NEXMIF: variants seen among roughly 807,000 people sequenced by gnomAD.
NEXMIF encodes the protein XLMR protein related to neurite extension.
A neutral mutation model predicts 62.1 loss-of-function variants in NEXMIF; 8 were observed. That is an observed-to-expected ratio of 0.13 (90% CI 0.08 to 0.23). NEXMIF has a LOEUF of 0.23. NEXMIF is among the 10% of genes least tolerant of loss of function. The probability of loss-of-function intolerance (pLI) is 1.00; values close to 1 mark genes in which losing one functional copy is unlikely to be tolerated. For missense variants in NEXMIF, 976 were observed against 1,113.3 expected, an observed-to-expected ratio of 0.88 and a Z score of 1.75; for synonymous variants, 404 against 416.6, an observed-to-expected ratio of 0.97 and a Z score of 0.37.
At chrX:74,873,895 C>T (rs1188635723) in intron 1 of NEXMIF, among the ~76,000 whole-genome samples, 4 of 110,858 alleles carry the variant, frequency 3.6e-5, no homozygotes, top group Admixed American at 9.6e-5. Context: ...GATATTAGCC[C>T]TTTGTCAGAT....
At chrX:74,892,354 A>G (rs2080720537) in intron 1 of NEXMIF, among the ~76,000 whole-genome samples, 1 of 112,203 alleles carries the variant, frequency 8.9e-6, no homozygotes, top group Non-Finnish European at 1.9e-5. Flanking sequence ...AACTAACCAA[A>G]GATCTTGCGT....
At chrX:74,810,142 A>G (rs968494513) in intron 1 of NEXMIF, among the ~76,000 whole-genome samples, 6 of 112,335 alleles carry the variant, frequency 5.3e-5, no homozygotes, top group Non-Finnish European at 9.4e-5. Context: ...ACTACTTGAA[A>G]GTTGCAATCC....
chrX:74,808,281 G>A (rs1484508518), intron 1 of NEXMIF, among the ~76,000 whole-genome samples: 1 of 110,696 alleles, frequency 9.0e-6, no homozygotes, highest in Non-Finnish European at 1.9e-5. Flanking sequence ...GCATAAGACT[G>A]TAATCTCAGC....
intron 1 of NEXMIF, among the ~76,000 whole-genome samples, chrX:74,751,530 C>A (rs1272090769): frequency 1.1e-4 from 12 of 106,761 alleles, no homozygotes; most frequent in Non-Finnish European, 1.6e-4. Flanking sequence ...CTTTGTCACC[C>A]AGGCTGGAGT....
intron 1 of NEXMIF, among the ~76,000 whole-genome samples, chrX:74,911,223 C>T (rs6647575): frequency 0.15 from 16,069 of 110,518 alleles, 1,782 homozygotes; most frequent in East Asian, 0.91. Context: ...AGTTTGAGAC[C>T]AGCCTTGACA....
intron 1 of NEXMIF, among the ~76,000 whole-genome samples, chrX:74,879,320 T>C (rs1479467473): frequency 8.9e-6 from 1 of 112,208 alleles, no homozygotes; most frequent in Non-Finnish European, 1.9e-5. Flanking sequence ...AACATTAATC[T>C]ACACATCCAA....
At chrX:74,871,834 T>C (rs1486666559) in intron 1 of NEXMIF, among the ~76,000 whole-genome samples, 2 of 111,746 alleles carry the variant, frequency 1.8e-5, no homozygotes, top group African/African-American at 6.5e-5. Flanking sequence ...ACTGGTTTCA[T>C]ATTGTTCAAA....
At chrX:74,840,222 A>G (rs2080469684) in intron 1 of NEXMIF, among the ~76,000 whole-genome samples, 1 of 111,300 alleles carries the variant, frequency 9.0e-6, no homozygotes, top group Admixed American at 9.5e-5. Flanking sequence ...TCTTTTGAGA[A>G]CTGTCTGTTC....
intron 1 of NEXMIF, among the ~76,000 whole-genome samples, chrX:74,790,148 T>C (rs2080275094): frequency 9.2e-6 from 1 of 108,713 alleles, no homozygotes; most frequent in Admixed American, 9.9e-5. Context: ...GAATTGATTT[T>C]TGTATAAGGT....
At chrX:74,853,613 T>C (rs1395963659) in intron 1 of NEXMIF, among the ~76,000 whole-genome samples, 2 of 110,823 alleles carry the variant, frequency 1.8e-5, no homozygotes, top group African/African-American at 3.3e-5. Context: ...GGACTGCTTT[T>C]TATTAAAGAA....
rs2147441283 is a variant in NEXMIF at position 74,743,543 on chromosome X, A to G, written c.1014T>C (p.Phe338=). 4.1e-6 allele frequency: 5 copies of G among 1,211,164 alleles called. No homozygotes were observed. Among genetic ancestry groups the G allele is most frequent in the Non-Finnish European group, 5.6e-6 (5 of 895,240 alleles). The part of the protein sequence containing the change: ...LMQEDAQFNF[F]PSVFTTCPKR... ...TGGGGCAGGTAGTAAAGACGCTGGG[A>G]AAAAAGTTGAATTGGGCATCTTCCT... The change falls in exon 3 of 4, where the codon TTT becomes TTC. Residue 338 remains phenylalanine (F), a synonymous_variant. Coordinates refer to ENST00000055682, the MANE Select transcript of NEXMIF (RefSeq NM_001008537.3).
chrX:74,879,739 C>G (rs1315551270), intron 1 of NEXMIF, among the ~76,000 whole-genome samples: 1 of 111,811 alleles, frequency 8.9e-6, no homozygotes, highest in Non-Finnish European at 1.9e-5. Flanking sequence ...GAATGTTTTC[C>G]TTTGTGGACT....
At chrX:74,904,614 AT>A (rs1418845706) in intron 1 of NEXMIF, among the ~76,000 whole-genome samples, 3 of 111,236 alleles carry the variant, frequency 2.7e-5, no homozygotes, top group Non-Finnish European at 5.7e-5. Flanking sequence ...TGATATCTTC[AT>A]TTTTCTTACT....
chrX:74,800,576 T>C (rs987649657), intron 1 of NEXMIF, among the ~76,000 whole-genome samples: 4 of 110,849 alleles, frequency 3.6e-5, no homozygotes, highest in Admixed American at 9.6e-5. Context: ...TTGTAGTCAA[T>C]CCCTCCCCTA....
intron 1 of NEXMIF, among the ~76,000 whole-genome samples, chrX:74,837,745 T>A (rs2080461880): frequency 9.0e-6 from 1 of 111,540 alleles, no homozygotes; most frequent in African/African-American, 3.3e-5. Context: ...GCAATACAGG[T>A]CTGAAAATGA....
chrX:74,884,342 C>A (rs1458390374), intron 1 of NEXMIF, among the ~76,000 whole-genome samples: 2 of 111,788 alleles, frequency 1.8e-5, no homozygotes, highest in African/African-American at 6.5e-5. Flanking sequence ...TTAAAAGGAA[C>A]AGACTGGCAA....
At chrX:74,857,465 A>C (rs1178422532) in intron 1 of NEXMIF, among the ~76,000 whole-genome samples, 1 of 112,013 alleles carries the variant, frequency 8.9e-6, no homozygotes, top group Non-Finnish European at 1.9e-5. Context: ...GGAAGGACCC[A>C]TCATCTGCTG....
Position 74,740,418 on chromosome X carries a change from T to A in NEXMIF, c.4139A>T (p.Lys1380Met). 8.3e-7 allele frequency: 1 copy of A among 1,211,501 alleles called. No homozygotes were observed. The highest frequency in any genetic ancestry group is 1.1e-6 in the Non-Finnish European group (1 of 895,348). ...GGCTCCTTGGGACCCACTGTTGATC[T>A]TTTTCTTAGACTCCTGTGGTGTCCC... The part of the protein sequence containing the change: ...LAGTPQESKK[K>M]INSGSQGATK... Residue 1380 changes from lysine (K) to methionine (M), a missense_variant, in exon 3 of 4, where the codon AAG (lysine) becomes ATG (methionine). By Grantham distance (95) the Lys-to-Met change is moderately conservative (BLOSUM62 -1). Around this residue, in one of 5 missense-constraint regions of NEXMIF, gnomAD observed 137 missense variants for 128.9 expected, o/e 1.06. Coordinates refer to ENST00000055682, the MANE Select transcript of NEXMIF (RefSeq NM_001008537.3).
At chrX:74,839,814 T>C (rs760532978) in intron 1 of NEXMIF, among the ~76,000 whole-genome samples, 13 of 112,390 alleles carry the variant, frequency 1.2e-4, no homozygotes, top group South Asian at 3.7e-4. Flanking sequence ...CAATCTGTCA[T>C]TGATGGACAT....
Sources: gnomAD v4.1 joint callset for allele counts (sites outside exome capture counted in the v4.1 genomes callset) on GRCh38, gnomAD v4.1.1 for gene constraint, gnomAD v4.1.1 regional missense constraint, MANE v1.5 for transcripts, NCBI Gene and HGNC (gene_info 2026-07-23, HGNC 2026-07-21) for gene names.